Variants in MYO1D observed in about 807,000 individuals in gnomAD.
MYO1D encodes the protein myosin ID.
In MYO1D, 83 loss-of-function variants were observed where a neutral mutation model predicts 122.0. That is an observed-to-expected ratio of 0.68 (90% CI 0.57 to 0.82). The LOEUF is 0.82. MYO1D is among the 40% of genes least tolerant of loss of function. MYO1D has a pLI of 0.00. For missense variants in MYO1D, 1,157 were observed against 1,269.5 expected (o/e 0.91, Z 1.35); for synonymous variants, 464 against 446.9 (o/e 1.04, Z -0.48).
chr17:32,805,827 G>A (rs561417096), intron 1 of MYO1D, among the ~76,000 whole-genome samples: 20 of 152,312 alleles, frequency 1.3e-4, no homozygotes, highest in Admixed American at 1.3e-3. Context: ...CCTTCCTAGA[G>A]TTACTCCCTG....
chr17:32,861,553 C>T lies in MYO1D; in HGVS notation c.95+15225G>A, dbSNP rs191676532. The stretch of plus-strand genomic sequence containing the variant: ...TGATGTAAAGCCCTTCAATTGCTCC[C>T]CAACATACTTAAATTTTGAATCTTG... On this transcript the variant is annotated intron_variant, in intron 1 of 21. Transcript: ENST00000318217. 2.4e-3 allele frequency among the ~76,000 whole-genome samples: 369 copies of T among 152,164 alleles called. 3 individuals are homozygous for T. The highest frequency in any genetic ancestry group is 8.6e-3 in the African/African-American group (356 of 41,494).
chr17:32,519,046 C>T (rs1014056857), intron 21 of MYO1D: 7 of 152,500 alleles, frequency 4.6e-5, no homozygotes, highest in South Asian at 2.1e-4. Context: ...CCCGTCTCCT[C>T]CCTCTCACCA....
chr17:32,739,651 T>G (rs562546327), intron 13 of MYO1D, among the ~76,000 whole-genome samples: 1 of 151,958 alleles, frequency 6.6e-6, no homozygotes, highest in Non-Finnish European at 1.5e-5. Flanking sequence ...TAAAAAAAAA[T>G]TGGGGGTTGA....
intron 21 of MYO1D, among the ~76,000 whole-genome samples, chr17:32,556,363 G>A (rs1597895495): frequency 6.6e-6 from 1 of 152,138 alleles, no homozygotes; most frequent in Admixed American, 6.6e-5. Flanking sequence ...CACTGCAGGT[G>A]GTCAACAAGT....
In MYO1D at chr17:32,654,506, T is replaced by C. The variant is rs772788074; in HGVS notation, c.2461A>G (p.Arg821Gly). The C allele has an allele frequency of 6.2e-7, 1 of 1,613,964 alleles. No homozygotes were observed. Among genetic ancestry groups the C allele is most frequent in the South Asian group, 1.1e-5 (1 of 91,052 alleles). The change falls in exon 18 of 22, where the codon AGG becomes GGG. Residue 821 changes from arginine to glycine, a missense_variant. Transcript: ENST00000318217. ...KGQRADLGLQ[R>G]AWEGNYLASK... ...GCAAGATAGTTGCCCTCCCAGGCCC[T>C]CTGGAGCCCGAGGTCAGCCCTTTGA...
At chr17:32,518,820 T>C (rs114383954) in intron 21 of MYO1D, 1,870 of 152,426 alleles carry the variant, frequency 0.012, 35 homozygotes, top group African/African-American at 0.041. Flanking sequence ...CAGCACATTT[T>C]GCTCACAGAA....
At chr17:32,581,905 C>T (rs1417282853) in intron 21 of MYO1D, among the ~76,000 whole-genome samples, 1 of 152,072 alleles carries the variant, frequency 6.6e-6, no homozygotes, top group African/African-American at 2.4e-5. Context: ...GTTGGGACTA[C>T]ACGTGTGCAC....
At chr17:32,566,030 A>G (rs992532093) in intron 21 of MYO1D, among the ~76,000 whole-genome samples, 1 of 152,100 alleles carries the variant, frequency 6.6e-6, no homozygotes, top group Non-Finnish European at 1.5e-5. Context: ...CGGCCTTCAG[A>G]GTGTGTTTCT....
At chr17:32,579,704 C>A (rs2087312203) in intron 21 of MYO1D, among the ~76,000 whole-genome samples, 1 of 152,206 alleles carries the variant, frequency 6.6e-6, no homozygotes. Flanking sequence ...TGACCTACTT[C>A]CTGCTCCTAT....
At chr17:32,691,614 C>T (rs2150974270) in intron 16 of MYO1D, among the ~76,000 whole-genome samples, 1 of 152,140 alleles carries the variant, frequency 6.6e-6, no homozygotes. Flanking sequence ...ACCATGTTGA[C>T]CAGGCTGGTC....
In MYO1D at chr17:32,664,703, C is replaced by T. The variant is rs140352015; in HGVS notation, c.2122-5365G>A. Among the ~76,000 whole-genome samples the T allele has an allele frequency of 5.9e-3, 893 of 152,200 alleles. 8 individuals carry two copies. The highest frequency in any genetic ancestry group is 0.02 in the African/African-American group (851 of 41,516). On this transcript the variant is annotated intron_variant, in intron 16 of 21. Coordinates refer to ENST00000318217, the MANE Select transcript of MYO1D (RefSeq NM_015194.3). Reference sequence around the variant, plus strand: ...GACCATTTCTCAGAAAAGAGGACAGCGGCAAACAGAGAGGCCTGCTGACAG... The same window carrying T: ...GACCATTTCTCAGAAAAGAGGACAGTGGCAAACAGAGAGGCCTGCTGACAG...
intron 1 of MYO1D, among the ~76,000 whole-genome samples, chr17:32,813,649 A>C (rs2090590686): frequency 6.6e-6 from 1 of 152,220 alleles, no homozygotes; most frequent in South Asian, 2.1e-4. Context: ...CAGTAAAGGA[A>C]AGGAAAACTA....
chr17:32,553,909 G>A (rs1448664463), intron 21 of MYO1D, among the ~76,000 whole-genome samples: 1 of 152,108 alleles, frequency 6.6e-6, no homozygotes, highest in East Asian at 1.9e-4. Context: ...ATTTCCACCT[G>A]AACTGAACTA....
At chr17:32,864,520 T>C (rs1444614978) in intron 1 of MYO1D, among the ~76,000 whole-genome samples, 2 of 127,020 alleles carry the variant, frequency 1.6e-5, no homozygotes, top group Non-Finnish European at 3.1e-5. Flanking sequence ...GTACGGTGTC[T>C]AGCTTCACAT....
intron 20 of MYO1D, among the ~76,000 whole-genome samples, chr17:32,612,682 C>CA (rs1262090966): frequency 0.018 from 394 of 22,326 alleles, no homozygotes; most frequent in East Asian, 0.052. Flanking sequence ...AGACCCATCT[C>CA]AAAAAAAAAA....
chr17:32,646,257 C>A (rs905310701), intron 19 of MYO1D, among the ~76,000 whole-genome samples: 1 of 152,140 alleles, frequency 6.6e-6, no homozygotes, highest in Non-Finnish European at 1.5e-5. Context: ...AACACTGGTT[C>A]TGTAAAACTC....
intron 1 of MYO1D, among the ~76,000 whole-genome samples, chr17:32,813,940 T>C (rs1481407170): frequency 6.6e-6 from 1 of 152,196 alleles, no homozygotes; most frequent in Non-Finnish European, 1.5e-5. Flanking sequence ...ATTTCTGCCA[T>C]GGGCATTAGG....
At chr17:32,858,736 T>C (rs116657358) in intron 1 of MYO1D, among the ~76,000 whole-genome samples, 473 of 152,314 alleles carry the variant, frequency 3.1e-3, no homozygotes, top group African/African-American at 0.01. Context: ...TATTAATTAA[T>C]TGAACATTTT....
intron 20 of MYO1D, among the ~76,000 whole-genome samples, chr17:32,618,369 T>A (rs2087804786): frequency 6.6e-6 from 1 of 152,182 alleles, no homozygotes; most frequent in African/African-American, 2.4e-5. Context: ...TGAAAGCCAC[T>A]CAGCAAAACT....
Sources: gnomAD v4.1 joint callset for allele counts (sites outside exome capture counted in the v4.1 genomes callset) on GRCh38, gnomAD v4.1.1 for gene constraint, MANE v1.5 for transcripts, NCBI Gene and HGNC (gene_info 2026-07-23, HGNC 2026-07-21) for gene names.